The following SLC38A8 variants were observed in gnomAD, a reference collection of about 807,000 sequenced individuals.
SLC38A8 encodes solute carrier family 38 member 8.
In SLC38A8, 65 loss-of-function variants were observed where a neutral mutation model predicts 46.0. The ratio of observed to expected loss-of-function variants is 1.41; its 90% CI spans 1.16 to 1.74. SLC38A8 has a LOEUF of 1.74. SLC38A8 is among the 40% of genes most tolerant of loss of function. The pLI is 0.00. For missense variants in SLC38A8, 998 were observed against 567.9 expected, an observed-to-expected ratio of 1.76 and a Z score of -7.70; for synonymous variants, 447 against 243.7, an observed-to-expected ratio of 1.83 and a Z score of -7.77.
chr16:84,012,706 A>G (rs552523971), intron 10 of SLC38A8, among the ~76,000 whole-genome samples: 91 of 152,298 alleles, frequency 6.0e-4, no homozygotes, highest in African/African-American at 2.1e-3. Context: ...GTAACAAAGG[A>G]GGGTACAGAT....
chr16:84,035,849 T>G (rs2085294328), intron 3 of SLC38A8, among the ~76,000 whole-genome samples: 1 of 152,266 alleles, frequency 6.6e-6, no homozygotes, highest in Admixed American at 6.5e-5. Flanking sequence ...TTTAACATCC[T>G]TTAACATCCT....
At chr16:84,011,586 A>G (rs1206248958) in intron 10 of SLC38A8, among the ~76,000 whole-genome samples, 1 of 152,216 alleles carries the variant, frequency 6.6e-6, no homozygotes, top group Non-Finnish European at 1.5e-5. Flanking sequence ...GGTGGCCCCC[A>G]AAATTCATGT....
Position 84,017,038 on chromosome 16 carries a change from T to G in SLC38A8, c.953+102A>C, listed in dbSNP as rs1013574991. ...TCCTCCTGTCTACAATTGGAGAGGA[T>G]GGTAGTCCCACAGCCGCGTAGCCCA... On this transcript the variant is annotated intron_variant, in intron 8 of 10. Transcript: ENST00000299709. 8 of 1,463,730 alleles carry G rather than the reference T, an allele frequency of 5.5e-6. No homozygotes were observed. The Middle Eastern group carries it at 7.4e-4, about 135-fold the overall frequency. The allele number at this position is 1,463,730 out of a possible 1,614,324, so 90.7% of individuals were successfully genotyped here.
intron 6 of SLC38A8, among the ~76,000 whole-genome samples, chr16:84,023,353 C>T (rs947823112): frequency 5.9e-5 from 9 of 152,106 alleles, no homozygotes; most frequent in East Asian, 5.8e-4. Context: ...CTCCTTTGCT[C>T]GGGTGTGCTC....
intron 6 of SLC38A8, among the ~76,000 whole-genome samples, chr16:84,024,496 C>T (rs191239899): frequency 2.6e-3 from 389 of 151,522 alleles, no homozygotes; most frequent in Non-Finnish European, 3.6e-3. Flanking sequence ...GAATTTTAAA[C>T]GCAGGAGGGA....
chr16:84,017,427 C>G (rs1269961706), intron 7 of SLC38A8, 140 bp from the exon 8 acceptor site: 2 of 978,742 alleles, frequency 2.0e-6, no homozygotes, highest in East Asian at 2.6e-5. Flanking sequence ...AGGGATAGCC[C>G]AAAGCTTTCC....
chr16:84,028,186 T>A (rs1004421108), intron 6 of SLC38A8, among the ~76,000 whole-genome samples: 3 of 151,986 alleles, frequency 2.0e-5, no homozygotes, highest in Non-Finnish European at 2.9e-5. Context: ...TGGACACATC[T>A]CCCTGTGGAC....
rs777130271 is a variant in SLC38A8 at position 84,033,455 on chromosome 16, G to A, written c.403C>T (p.Leu135=). 1.2e-6 allele frequency: 2 copies of A among 1,607,112 alleles called. No homozygotes were observed. Among genetic ancestry groups the A allele is most frequent in the Middle Eastern group, 1.9e-4 (1 of 5,196 alleles). The change falls in exon 4 of 11, where the codon CTG becomes TTG. Residue 135 remains leucine (L), a synonymous_variant. Transcript: ENST00000299709. ...DQLEKLCDSL[L]SGTPPAPQPW... is the part of the protein sequence containing the mutation. ...TGCGGGGCGGGCGGGGTGCCAGACA[G>A]GAGGGAGTCACACACTGCCAGAGAC...
At chr16:84,036,614 G>T (rs886198963) in intron 3 of SLC38A8, 88 bp downstream of exon 3, 1 of 1,468,462 alleles carries the variant, frequency 6.8e-7, no homozygotes, top group Admixed American at 1.9e-5. Context: ...CCCAGGCCAG[G>T]GCCCCACGTC....
chr16:84,024,268 G>A lies in SLC38A8; in HGVS notation c.691-1379C>T, dbSNP rs143976035. Among the ~76,000 whole-genome samples, 848 of 152,310 alleles carry A rather than the reference G, an allele frequency of 5.6e-3. 8 individuals carry two copies. The highest frequency in any genetic ancestry group is 0.019 in the African/African-American group (794 of 41,568). On this transcript the variant is annotated intron_variant, in intron 6 of 10. Coordinates refer to ENST00000299709, the MANE Select transcript of SLC38A8 (RefSeq NM_001080442.3). ...CAGAAAAGGTCATGAAGGGGTTCCCGGGGGCTTGACCATGTCACATGGGTG... is the reference window on the plus strand; with the variant it reads ...CAGAAAAGGTCATGAAGGGGTTCCCAGGGGCTTGACCATGTCACATGGGTG...
intron 5 of SLC38A8, among the ~76,000 whole-genome samples, chr16:84,031,277 G>T (rs979891675): frequency 4.6e-5 from 7 of 152,236 alleles, no homozygotes; most frequent in African/African-American, 1.7e-4. Flanking sequence ...CTGACCTCAA[G>T]TGATCCACCT....
chr16:84,028,600 C>G (rs931151881), intron 6 of SLC38A8, among the ~76,000 whole-genome samples: 5 of 151,472 alleles, frequency 3.3e-5, no homozygotes, highest in African/African-American at 4.9e-5. Context: ...AATGGAAGAG[C>G]AGTGTCTGCT....
At chr16:84,023,765 G>C (rs545320521) in intron 6 of SLC38A8, among the ~76,000 whole-genome samples, 4 of 152,308 alleles carry the variant, frequency 2.6e-5, no homozygotes, top group Non-Finnish European at 5.9e-5. Context: ...ATGGTAATGA[G>C]CACCTGTAAT....
intron 2 of SLC38A8, among the ~76,000 whole-genome samples, chr16:84,039,328 G>A (rs1238698612): frequency 6.6e-6 from 1 of 152,178 alleles, no homozygotes; most frequent in African/African-American, 2.4e-5. Context: ...AAATATTGAG[G>A]GATTTCTCCA....
intron 2 of SLC38A8, among the ~76,000 whole-genome samples, chr16:84,038,467 A>T (rs2085327964): frequency 6.6e-6 from 1 of 152,086 alleles, no homozygotes; most frequent in Non-Finnish European, 1.5e-5. Flanking sequence ...CATCCATCTT[A>T]ATGGATCAGC....
chr16:84,024,350 T>C (rs1333887695), intron 6 of SLC38A8, among the ~76,000 whole-genome samples: 1 of 146,754 alleles, frequency 6.8e-6, no homozygotes, highest in South Asian at 2.1e-4. Flanking sequence ...GGGGTAAGCA[T>C]TTTTTTTTGG....
intron 10 of SLC38A8, among the ~76,000 whole-genome samples, chr16:84,010,492 G>C (rs547229310): frequency 6.6e-6 from 1 of 152,248 alleles, no homozygotes; most frequent in Admixed American, 6.5e-5. Flanking sequence ...TATAATCCCA[G>C]CACTTTGGGA....
At chr16:84,043,335 C>A (rs925963919), upstream of SLC38A8, among the ~76,000 whole-genome samples, 1 of 152,196 alleles carries the variant, frequency 6.6e-6, no homozygotes, top group Admixed American at 6.5e-5. Context: ...CAGCTCAGAT[C>A]CGGAATTTGA....
At chr16:84,023,018 T>C (rs985302308) in intron 6 of SLC38A8, 129 bp from the exon 7 acceptor site, 6 of 629,070 alleles carry the variant, frequency 9.5e-6, no homozygotes, top group African/African-American at 7.6e-5. Flanking sequence ...GCCTGATCAA[T>C]CCTTTATTCT....
Sources: gnomAD v4.1 joint callset for allele counts (sites outside exome capture counted in the v4.1 genomes callset) on GRCh38, gnomAD v4.1.1 for gene constraint, MANE v1.5 for transcripts, NCBI Gene and HGNC (gene_info 2026-07-23, HGNC 2026-07-21) for gene names.